The following AUTS2 variants were observed in gnomAD, a reference collection of about 807,000 sequenced individuals.
AUTS2 encodes autism susceptibility gene 2 protein.
AUTS2 carries 17 observed loss-of-function variants against 112.4 expected under a neutral mutation model. That is an observed-to-expected ratio of 0.15 (90% CI 0.10 to 0.23). The LOEUF is 0.23. Ranked by LOEUF, AUTS2 falls within the 10% of genes least tolerant of loss-of-function variation. The pLI, the probability that AUTS2 is intolerant of heterozygous loss-of-function variation, is 1.00. For missense variants in AUTS2, 1,510 were observed against 1,701.6 expected (o/e 0.89, Z 1.98); for synonymous variants, 751 against 702.7 (o/e 1.07, Z -1.09).
chr7:69,742,262 A>T (rs1358098161), intron 1 of AUTS2, among the ~76,000 whole-genome samples: 1 of 151,940 alleles, frequency 6.6e-6, no homozygotes, highest in African/African-American at 2.4e-5. Context: ...GCGAGTGCCT[A>T]TTGGTAGTAA....
chr7:70,108,543 T>G (rs1178623417), intron 2 of AUTS2, among the ~76,000 whole-genome samples: 1 of 152,054 alleles, frequency 6.6e-6, no homozygotes, highest in Non-Finnish European at 1.5e-5. Flanking sequence ...CAATAGGTAT[T>G]GCTCCCCCTA....
At chr7:70,538,197 A>AGTG (rs1333238407) in intron 5 of AUTS2, among the ~76,000 whole-genome samples, 1 of 152,098 alleles carries the variant, frequency 6.6e-6, no homozygotes, top group African/African-American at 2.4e-5. Context: ...TGATTGCACC[A>AGTG]CTGTACTTCA....
intron 5 of AUTS2, among the ~76,000 whole-genome samples, chr7:70,587,126 G>C (rs1003965954): frequency 3.3e-5 from 5 of 152,044 alleles, no homozygotes; most frequent in Admixed American, 6.6e-5. Context: ...TACCAGGCTG[G>C]AGTGCAGTGA....
At chr7:69,679,319 A>C (rs1562805310) in intron 1 of AUTS2, among the ~76,000 whole-genome samples, 1 of 152,210 alleles carries the variant, frequency 6.6e-6, no homozygotes, top group Non-Finnish European at 1.5e-5. Flanking sequence ...GGGTTCTGGA[A>C]CCAGTCTGCC....
intron 4 of AUTS2, among the ~76,000 whole-genome samples, chr7:70,135,766 A>C (rs1373400884): frequency 6.6e-6 from 1 of 152,168 alleles, no homozygotes; most frequent in Non-Finnish European, 1.5e-5. Context: ...CTGAATATTC[A>C]TGCTAACAGA....
At chr7:70,075,773 T>C (rs1250944057) in intron 2 of AUTS2, among the ~76,000 whole-genome samples, 2 of 152,228 alleles carry the variant, frequency 1.3e-5, no homozygotes, top group Non-Finnish European at 2.9e-5. Context: ...CTAGAAAATA[T>C]TATTAATGAA....
intron 4 of AUTS2, among the ~76,000 whole-genome samples, chr7:70,278,303 G>T (rs2129610041): frequency 6.6e-6 from 1 of 152,240 alleles, no homozygotes; most frequent in Admixed American, 6.5e-5. Flanking sequence ...TTTAGGCTTG[G>T]CACAGTGGCT....
At chr7:70,046,989 G>A (rs1390321195) in intron 2 of AUTS2, among the ~76,000 whole-genome samples, 2 of 152,088 alleles carry the variant, frequency 1.3e-5, no homozygotes, top group African/African-American at 4.8e-5. Context: ...GTTTTTTATT[G>A]TGCCGAATAA....
intron 4 of AUTS2, among the ~76,000 whole-genome samples, chr7:70,188,427 G>A (rs780696409): frequency 6.6e-6 from 1 of 152,196 alleles, no homozygotes; most frequent in Non-Finnish European, 1.5e-5. Context: ...TTTCTCTCGT[G>A]TGTGAATAAT....
intron 5 of AUTS2, among the ~76,000 whole-genome samples, chr7:70,697,097 C>T (rs1809157667): frequency 6.6e-6 from 1 of 152,076 alleles, no homozygotes; most frequent in Non-Finnish European, 1.5e-5. Flanking sequence ...ACTCACTATT[C>T]TTGATCTAGG....
intron 4 of AUTS2, among the ~76,000 whole-genome samples, chr7:70,402,845 G>T (rs1794381489): frequency 6.6e-6 from 1 of 152,144 alleles, no homozygotes; most frequent in African/African-American, 2.4e-5. Flanking sequence ...CCAAATCGAT[G>T]CCCATCATCA....
chr7:70,597,039 A>G (rs1477698991), intron 5 of AUTS2, among the ~76,000 whole-genome samples: 1 of 152,100 alleles, frequency 6.6e-6, no homozygotes, highest in African/African-American at 2.4e-5. Flanking sequence ...TGCACTTTTT[A>G]TTTCTTGGGG....
At chr7:70,608,943 A>G (rs1803926700) in intron 5 of AUTS2, among the ~76,000 whole-genome samples, 1 of 152,188 alleles carries the variant, frequency 6.6e-6, no homozygotes, top group South Asian at 2.1e-4. Context: ...AAATACATTC[A>G]TTTATTTATT....
intron 1 of AUTS2, among the ~76,000 whole-genome samples, chr7:69,603,200 G>A (rs1189151663): frequency 6.6e-6 from 1 of 152,218 alleles, no homozygotes; most frequent in African/African-American, 2.4e-5. Flanking sequence ...TGCACAGCTA[G>A]GTTTATAGCT....
chr7:70,608,636 G>A (rs1308938264), intron 5 of AUTS2, among the ~76,000 whole-genome samples: 8 of 152,214 alleles, frequency 5.3e-5, no homozygotes, highest in Admixed American at 1.3e-4. Flanking sequence ...AAAGGAAGAA[G>A]TGCTTAGAGC....
chr7:70,033,437 C>T (rs952367351), intron 2 of AUTS2, among the ~76,000 whole-genome samples: 2 of 152,080 alleles, frequency 1.3e-5, no homozygotes, highest in African/African-American at 4.8e-5. Flanking sequence ...GAGAGAATGC[C>T]ATGCATTGGG....
At position 70,184,650 on chromosome 7, in the gene AUTS2, T is replaced by G. The variant is rs147108207; in HGVS notation, c.660+50079T>G. On this transcript the variant is annotated intron_variant, in intron 4 of 18. Transcript: ENST00000342771. Reference sequence around the variant, plus strand: ...CACAGGGTTTTGACTATAATTGAAATTTTTAGGCTTCTTCAGCTCTCTCTT... The same window carrying G: ...CACAGGGTTTTGACTATAATTGAAAGTTTTAGGCTTCTTCAGCTCTCTCTT... Among the ~76,000 whole-genome samples, 19 of 152,318 alleles carry G rather than the reference T, an allele frequency of 1.2e-4. No homozygotes were observed. The East Asian group carries it at 3.5e-3, about 28-fold the overall frequency.
chr7:69,871,200 A>G (rs1793480669), intron 1 of AUTS2, among the ~76,000 whole-genome samples: 1 of 152,192 alleles, frequency 6.6e-6, no homozygotes, highest in South Asian at 2.1e-4. Context: ...ACAGGGAAGT[A>G]ATATGTGTAA....
chr7:70,004,335 G>A (rs1315780796), intron 2 of AUTS2, among the ~76,000 whole-genome samples: 2 of 119,952 alleles, frequency 1.7e-5, no homozygotes, highest in Non-Finnish European at 3.4e-5. Flanking sequence ...ATATATATAT[G>A]AATATATATT....
Sources: allele counts gnomAD v4.1 joint callset (sites outside exome capture counted in the v4.1 genomes callset), GRCh38; gene constraint gnomAD v4.1.1; transcripts MANE v1.5; gene names NCBI Gene and HGNC (gene_info 2026-07-23, HGNC 2026-07-21).